The following ZCCHC2 variants were observed in gnomAD, a reference collection of about 807,000 sequenced individuals.
ZCCHC2 encodes zinc finger CCHC domain-containing protein 2.
In ZCCHC2, 39 loss-of-function variants were observed where a neutral mutation model predicts 103.6. The ratio of observed to expected loss-of-function variants is 0.38; its 90% CI spans 0.29 to 0.49. The LOEUF is 0.49. Among genes scored for constraint, ZCCHC2 ranks in the 20% least tolerant of loss-of-function variants. The probability of loss-of-function intolerance (pLI) is 0.96; values close to 1 mark genes in which losing one functional copy is unlikely to be tolerated. For synonymous variants in ZCCHC2, 687 were observed against 608.9 expected, an observed-to-expected ratio of 1.13 and a Z score of -1.89; for missense variants, 1,483 against 1,491.0, an observed-to-expected ratio of 0.99 and a Z score of 0.09.
At chr18:62,550,962 A>G (rs1915638560) in intron 5 of ZCCHC2, among the ~76,000 whole-genome samples, 1 of 152,086 alleles carries the variant, frequency 6.6e-6, no homozygotes, top group Non-Finnish European at 1.5e-5. Flanking sequence ...CTTAGATGAG[A>G]TGATCTTGGA....
intron 1 of ZCCHC2, among the ~76,000 whole-genome samples, chr18:62,528,600 A>G (rs867777893): frequency 0.11 from 2,278 of 19,898 alleles, 58 homozygotes; most frequent in African/African-American, 0.21. Context: ...CTGTCTCGGG[A>G]AAAAAAAAAA....
rs1914182150 is a variant in ZCCHC2 at position 62,523,709 on chromosome 18, G to C, written c.285G>C (p.Gln95His). 5 of 1,471,480 alleles carry C rather than the reference G, an allele frequency of 3.4e-6. No homozygotes were observed. Among genetic ancestry groups the C allele is most frequent in the Non-Finnish European group, 4.5e-6 (5 of 1,118,770 alleles). 91.2% of individuals were successfully genotyped at this position (1,471,480 alleles called of 1,614,324 possible). A position where few individuals can be genotyped will look rare whatever the true frequency, so the allele number is the denominator to read the frequency against. Reference protein sequence around the residue: ...GGGPSAALREQERVYEWFGLV... With the variant: ...GGGPSAALREHERVYEWFGLV... ...GGCCCTCGGCGGCGCTGCGCGAGCA[G>C]GAGCGGGTATACGAGTGGTTCGGGC... The change falls in exon 1 of 14, where the codon CAG becomes CAC. Residue 95 changes from glutamine to histidine, a missense_variant. Physicochemically the swap from Gln to His is conservative, Grantham distance 24. This residue lies in a region of ZCCHC2 where 568 missense variants were observed against 525.1 expected (regional missense o/e 1.08). Transcript: ENST00000269499.
intron 2 of ZCCHC2, 122 bp downstream of exon 2, chr18:62,539,914 C>A: frequency 1.3e-6 from 1 of 748,248 alleles, no homozygotes; most frequent in Non-Finnish European, 2.2e-6. Context: ...CCTACTGGTC[C>A]TAGGCTTCAC....
intron 1 of ZCCHC2, 54 bp downstream of exon 1, chr18:62,524,417 C>T: frequency 7.0e-7 from 1 of 1,426,856 alleles, no homozygotes; most frequent in Non-Finnish European, 9.1e-7. Flanking sequence ...CCCCGGCGGC[C>T]TCCCCGGCCT....
intron 4 of ZCCHC2, among the ~76,000 whole-genome samples, 182 bp from the exon 5 acceptor site, chr18:62,550,166 C>A (rs978125837): frequency 3.3e-5 from 5 of 152,154 alleles, no homozygotes; most frequent in Non-Finnish European, 7.3e-5. Flanking sequence ...GTGCATTTCC[C>A]AGTAGGAAAG....
rs1335604187 is a variant in ZCCHC2, at chr18:62,576,748, A to G, written c.*169A>G. 1.1e-5 allele frequency: 7 copies of G among 615,216 alleles called. No homozygotes were observed. The highest frequency in any genetic ancestry group is 2.9e-4 in the Middle Eastern group (1 of 3,410). The allele number at this position is 615,216 out of a possible 1,614,324, so 38.1% of individuals were successfully genotyped here. On this transcript the variant is annotated 3_prime_UTR_variant, in exon 14 of 14. Coordinates refer to ENST00000269499, the MANE Select transcript of ZCCHC2 (RefSeq NM_017742.6). ...AATGTCCAAAACAAGAAAGAATGCA[A>G]TGCTTTTGAGCCTCTGGTCTCCTGG...
chr18:62,573,992 T>C (rs1916695610), intron 12 of ZCCHC2, 65 bp from the exon 13 acceptor site: 1 of 1,485,554 alleles, frequency 6.7e-7, no homozygotes, highest in Admixed American at 2.2e-5. Context: ...ACTCAATGTT[T>C]ATTTCTAGCA....
intron 5 of ZCCHC2, among the ~76,000 whole-genome samples, chr18:62,554,903 A>T (rs1312778016): frequency 1.3e-5 from 2 of 152,260 alleles, no homozygotes; most frequent in African/African-American, 4.8e-5. Flanking sequence ...ATGATATACA[A>T]GGCAACTTTG....
At chr18:62,544,255 A>G (rs1021509533) in intron 3 of ZCCHC2, among the ~76,000 whole-genome samples, 2 of 152,200 alleles carry the variant, frequency 1.3e-5, no homozygotes, top group African/African-American at 4.8e-5. Flanking sequence ...AAGTTTCTCC[A>G]TCTCAAAATG....
At chr18:62,536,788 A>G (rs943301588) in intron 1 of ZCCHC2, among the ~76,000 whole-genome samples, 12 of 152,242 alleles carry the variant, frequency 7.9e-5, no homozygotes, top group Admixed American at 5.9e-4. Flanking sequence ...TGATGAACTT[A>G]GGACTTTGGA....
chr18:62,561,218 A>T (rs944013318), intron 8 of ZCCHC2, among the ~76,000 whole-genome samples: 1 of 152,200 alleles, frequency 6.6e-6, no homozygotes, highest in Non-Finnish European at 1.5e-5. Flanking sequence ...TCAAATTTTT[A>T]TCTGGAAAAA....
Position 62,550,513 on chromosome 18 carries a change from C to G in ZCCHC2, c.1313+53C>G, listed in dbSNP as rs530859512. The G allele has an allele frequency of 3.7e-6, 5 of 1,363,668 alleles. No homozygotes were observed. In the East Asian group the frequency reaches 9.6e-5, roughly 26 times the overall value. The allele number at this position is 1,363,668 out of a possible 1,614,324, so 84.5% of individuals were successfully genotyped here. ...GCAGCATACACACAGGACAAAGGGC[C>G]GCTCCAAATGGGGTCTTCAGGTGGG... On this transcript the variant is annotated intron_variant, in intron 5 of 13. Transcript: ENST00000269499.
chr18:62,556,437 G>GT, intron 6 of ZCCHC2, 140 bp downstream of exon 6: 1 of 650,338 alleles, frequency 1.5e-6, no homozygotes, highest in East Asian at 2.8e-5. Flanking sequence ...TTTTTAATGA[G>GT]TTTTTACACT....
In ZCCHC2 at chr18:62,573,673, T is replaced by C. The variant is rs531426097; in HGVS notation, c.1976-384T>C. Reference sequence around the variant, plus strand: ...AATTGTATCATTTATCTGCGACAAATTGAAGAACTTGGGTTGGCAGTGCAG... The same window carrying C: ...AATTGTATCATTTATCTGCGACAAACTGAAGAACTTGGGTTGGCAGTGCAG... On this transcript the variant is annotated intron_variant, in intron 12 of 13. Transcript: ENST00000269499. Among the ~76,000 whole-genome samples the C allele has an allele frequency of 2.0e-5, 3 of 152,326 alleles. No homozygotes were observed. The South Asian group carries it at 6.2e-4, about 32-fold the overall frequency.
intron 13 of ZCCHC2, 128 bp downstream of exon 13, chr18:62,575,678 C>T: frequency 8.7e-7 from 1 of 1,154,910 alleles, no homozygotes; most frequent in East Asian, 2.6e-5. Flanking sequence ...ATATTGTTTT[C>T]AGTGACAGAT....
Position 62,544,809 on chromosome 18 carries a change from G to T in ZCCHC2, c.1136G>T (p.Trp379Leu). The T allele has an allele frequency of 6.5e-7, 1 of 1,541,062 alleles. No homozygotes were observed. Among genetic ancestry groups the T allele is most frequent in the Non-Finnish European group, 8.7e-7 (1 of 1,144,688 alleles). Residue 379 changes from tryptophan (W) to leucine (L), a missense_variant, in exon 4 of 14, where the codon TGG (tryptophan) becomes TTG (leucine). Trp to Leu is a moderately conservative substitution (Grantham distance 61). This residue lies in a region of ZCCHC2 where 568 missense variants were observed against 525.1 expected (regional missense o/e 1.08). Coordinates refer to ENST00000269499, the MANE Select transcript of ZCCHC2 (RefSeq NM_017742.6). Reference protein sequence around the residue: ...KYWEYTFKVNWSDLSVTTVTK... With the variant: ...KYWEYTFKVNLSDLSVTTVTK... ...GTGTTTTTTTTAAATCAGGTAAATT[G>T]GTCTGATCTTTCAGTCACAACAGTA...
At chr18:62,559,556 G>T (rs560128437) in intron 7 of ZCCHC2, among the ~76,000 whole-genome samples, 4 of 152,324 alleles carry the variant, frequency 2.6e-5, no homozygotes, top group Non-Finnish European at 5.9e-5. Context: ...AACTATTTTG[G>T]ACGAAATTTG....
chr18:62,550,343 T>C lies in ZCCHC2; in HGVS notation c.1201-5T>C, dbSNP rs1328030334. ...ACATTGGATATTGTGGTTTTTCTTT[T>C]CTAGCTTCCAAAGGAACTGTCTTCA... On this transcript the variant is annotated splice_region_variant and splice_polypyrimidine_tract_variant and intron_variant, in intron 4 of 13. Transcript: ENST00000269499. 6.2e-7 allele frequency: 1 copy of C among 1,608,042 alleles called. No individual in the cohort carries two copies. The highest frequency in any genetic ancestry group is 1.3e-5 in the African/African-American group (1 of 74,850).
chr18:62,581,992 CA>C, downstream of ZCCHC2: 1 of 155,366 alleles, frequency 6.4e-6, no homozygotes, highest in South Asian at 1.8e-4. Context: ...TGGGCAGGAA[CA>C]AAAACAGCAG....
Sources: allele counts gnomAD v4.1 joint callset (sites outside exome capture counted in the v4.1 genomes callset), GRCh38; gene constraint gnomAD v4.1.1; regional missense constraint gnomAD v4.1.1; transcripts MANE v1.5; gene names NCBI Gene and HGNC (gene_info 2026-07-23, HGNC 2026-07-21).